Variants in AXIN1 observed in about 807,000 individuals in gnomAD.
AXIN1 encodes the protein axin-1.
Under a neutral mutation model 76.4 loss-of-function variants are expected in AXIN1, and 30 were observed. The observed-to-expected ratio is 0.39, with a 90% confidence interval of 0.29 to 0.53. AXIN1 has a LOEUF of 0.53. AXIN1 is among the 20% of genes least tolerant of loss of function. AXIN1 has a pLI of 0.66. For missense variants in AXIN1, 1,140 were observed against 1,198.8 expected, an observed-to-expected ratio of 0.95 and a Z score of 0.72; for synonymous variants, 545 against 501.4, an observed-to-expected ratio of 1.09 and a Z score of -1.16.
In AXIN1 at chr16:288,342, G is replaced by A. The variant is rs764175859; in HGVS notation, c.2463-94C>T. 1.1e-5 allele frequency: 17 copies of A among 1,580,134 alleles called. 1 individual carries two copies. The highest frequency in any genetic ancestry group is 1.7e-4 in the Middle Eastern group (1 of 5,978). On this transcript the variant is annotated intron_variant, in intron 10 of 10. Transcript: ENST00000262320. ...GGACGGCGTGTCCACACCCCATCCC[G>A]AGGAGCCTCCTGTCCATGCCCCACG...
intron 5 of AXIN1, among the ~76,000 whole-genome samples, chr16:303,675 C>T (rs2052936172): frequency 6.6e-6 from 1 of 152,136 alleles, no homozygotes; most frequent in South Asian, 2.1e-4. Context: ...GAGCCACTCG[C>T]CCGCCCGTTT....
At chr16:325,782 C>T (rs9921222) in intron 2 of AXIN1, among the ~76,000 whole-genome samples, 75,590 of 152,064 alleles carry the variant, frequency 0.5, 20,083 homozygotes, top group African/African-American at 0.67. Context: ...CATCTTCTCT[C>T]ATGACGGGGC....
At chr16:310,145 C>T (rs1288631512) in intron 3 of AXIN1, 76 bp from the exon 4 acceptor site, 2 of 1,378,812 alleles carry the variant, frequency 1.5e-6, no homozygotes, top group African/African-American at 1.4e-5. Context: ...GAGCTCCTGG[C>T]CCCGACCGCC....
intron 8 of AXIN1, 176 bp from the exon 9 acceptor site, chr16:291,473 C>G: frequency 1.5e-6 from 1 of 660,186 alleles, no homozygotes; most frequent in Non-Finnish European, 2.8e-6. Flanking sequence ...CCTAGGCCTG[C>G]CTTGGTGGTA....
chr16:287,547 G>A lies in AXIN1; in HGVS notation c.*575C>T. 1 of 314,954 alleles carries A rather than the reference G, an allele frequency of 3.2e-6. No homozygotes were observed. The highest frequency in any genetic ancestry group is 5.9e-6 in the Non-Finnish European group (1 of 169,084). 19.5% of individuals were successfully genotyped at this position (314,954 alleles called of 1,614,324 possible). ...AAACAGACTCGGGCAGCCCCTGCTG[G>A]CCTAGCCTGAGAAATGTACATATTT... On this transcript the variant is annotated 3_prime_UTR_variant, in exon 11 of 11. Coordinates refer to ENST00000262320, the MANE Select transcript of AXIN1 (RefSeq NM_003502.4).
intron 2 of AXIN1, among the ~76,000 whole-genome samples, chr16:341,379 C>T (rs1375882232): frequency 1.3e-5 from 2 of 152,230 alleles, no homozygotes; most frequent in African/African-American, 4.8e-5. Flanking sequence ...CCCTGCCGGC[C>T]GCGGGCAATG....
chr16:320,564 C>T (rs780808949), intron 2 of AXIN1, among the ~76,000 whole-genome samples: 8 of 151,894 alleles, frequency 5.3e-5, no homozygotes, highest in Non-Finnish European at 7.4e-5. Flanking sequence ...TTAACACACA[C>T]GTGCAAATTT....
intron 7 of AXIN1, among the ~76,000 whole-genome samples, chr16:294,474 A>AG (rs2052653824): frequency 6.7e-6 from 1 of 148,934 alleles, no homozygotes; most frequent in African/African-American, 2.5e-5. Context: ...AAAAAAAAAA[A>AG]AAAAAAAAAA....
rs143207998 is a variant in AXIN1 at position 297,834 on chromosome 16, C to A, written c.1672G>T (p.Ala558Ser). 2 of 1,575,788 alleles carry A rather than the reference C, an allele frequency of 1.3e-6. No homozygotes were observed. The highest frequency in any genetic ancestry group is 2.3e-5 in the South Asian group (2 of 85,376). ...EQVEAEATRRAQSSFAWGLEP... is the reference protein window; with the variant it reads ...EQVEAEATRRSQSSFAWGLEP... ...AGGCCCCAGGCGAAGCTGCTCTGGG[C>A]CCTGCGGGTGGCCTCGGCCTCCACC... The change falls in exon 6 of 11, where the codon GCC (alanine) becomes TCC (serine). Residue 558 changes from alanine (A) to serine (S), a missense_variant. By Grantham distance (99) the Ala-to-Ser change is moderately conservative. Around this residue, in one of 3 missense-constraint regions of AXIN1, gnomAD observed 708 missense variants for 776.9 expected, o/e 0.91. Transcript: ENST00000262320.
At position 293,259 on chromosome 16, in the gene AXIN1, G is replaced by T. The variant is rs1020309420; in HGVS notation, c.2186+229C>A. 3.4e-6 allele frequency: 2 copies of T among 592,146 alleles called. No individual in the cohort carries two copies. Among genetic ancestry groups the T allele is most frequent in the African/African-American group, 1.9e-5 (1 of 53,722 alleles). The allele number at this position is 592,146 out of a possible 1,614,324, so 36.7% of individuals were successfully genotyped here. A position where few individuals can be genotyped will look rare whatever the true frequency, so the allele number is the denominator to read the frequency against. ...GGACCCCGCCTCCAGAGCAATGAGC[G>T]CGGCGGCCTCGGGTGTGTGAAAGCT... On this transcript the variant is annotated intron_variant, in intron 8 of 10. Transcript: ENST00000262320. This position sits in a 1 kb window ranked among gnomAD's most constrained non-coding sequence, Gnocchi z 4.6.
chr16:333,046 G>A (rs969765237), intron 2 of AXIN1, among the ~76,000 whole-genome samples: 2 of 151,992 alleles, frequency 1.3e-5, no homozygotes, highest in East Asian at 1.9e-4. Context: ...AAATATTAGC[G>A]AGGTGGGCCG....
chr16:347,452 A>G (rs2054055280), intron 1 of AXIN1, among the ~76,000 whole-genome samples: 1 of 152,222 alleles, frequency 6.6e-6, no homozygotes, highest in South Asian at 2.1e-4. Flanking sequence ...GGAAGGCAGG[A>G]AGACCGGAGG....
chr16:326,828 G>A (rs1016902317), intron 2 of AXIN1, among the ~76,000 whole-genome samples: 2 of 151,710 alleles, frequency 1.3e-5, no homozygotes, highest in African/African-American at 4.8e-5. Flanking sequence ...TGTGGCCTCT[G>A]CCTGAAGCGT....
At chr16:323,456 A>G (rs1210304016) in intron 2 of AXIN1, among the ~76,000 whole-genome samples, 5 of 148,530 alleles carry the variant, frequency 3.4e-5, no homozygotes, top group African/African-American at 1.0e-4. Flanking sequence ...AAAAAAAAGA[A>G]AGAAAAAAAG....
At chr16:291,677 C>A (rs2052565133) in intron 8 of AXIN1, 2 of 358,746 alleles carry the variant, frequency 5.6e-6, no homozygotes, top group South Asian at 2.2e-5. Context: ...AGCGTGGACA[C>A]TGGCTCTGGG....
intron 2 of AXIN1, among the ~76,000 whole-genome samples, chr16:331,796 A>T (rs1258098553): frequency 6.6e-6 from 1 of 152,224 alleles, no homozygotes; most frequent in African/African-American, 2.4e-5. Context: ...CAAAGGTGCA[A>T]GCCTGACACT....
chr16:288,871 G>A (rs940625549), intron 10 of AXIN1, among the ~76,000 whole-genome samples: 1 of 152,246 alleles, frequency 6.6e-6, no homozygotes, highest in Non-Finnish European at 1.5e-5. Flanking sequence ...CGGCCTAGGG[G>A]AGCCTAACAC....
chr16:288,108 A>G lies in AXIN1; in HGVS notation c.*14T>C. ...AAGGGCCTCGCCTGGCACAGCGGCCAGCCCACCAGCCTATCAGTCCACCTT... is the reference window on the plus strand; with the variant it reads ...AAGGGCCTCGCCTGGCACAGCGGCCGGCCCACCAGCCTATCAGTCCACCTT... On this transcript the variant is annotated 3_prime_UTR_variant, in exon 11 of 11. Transcript: ENST00000262320. The G allele has an allele frequency of 6.2e-7, 1 of 1,613,062 alleles. No individual in the cohort carries two copies. Among genetic ancestry groups the G allele is most frequent in the Non-Finnish European group, 8.5e-7 (1 of 1,180,000 alleles).
intron 2 of AXIN1, among the ~76,000 whole-genome samples, chr16:325,734 G>A (rs1362885389): frequency 1.3e-5 from 2 of 152,342 alleles, no homozygotes; most frequent in African/African-American, 4.8e-5. Flanking sequence ...AGAGAGGAGA[G>A]CCATTCCCCA....
Sources: allele counts gnomAD v4.1 joint callset (sites outside exome capture counted in the v4.1 genomes callset), GRCh38; gene constraint gnomAD v4.1.1; regional missense constraint gnomAD v4.1.1; non-coding constraint Gnocchi (gnomAD v3.1); transcripts MANE v1.5; gene names NCBI Gene and HGNC (gene_info 2026-07-23, HGNC 2026-07-21).